SNX7: variants seen among roughly 807,000 people sequenced by gnomAD.
SNX7 encodes the protein sorting nexin-7.
SNX7 carries 35 observed loss-of-function variants against 48.4 expected under a neutral mutation model. That is an observed-to-expected ratio of 0.72 (90% CI 0.55 to 0.96). The LOEUF is 0.96. Ranked by LOEUF, SNX7 falls within the 40% of genes least tolerant of loss-of-function variation. The pLI is 0.00. For synonymous variants in SNX7, 190 were observed against 190.2 expected (o/e 1.00, Z 0.01); for missense variants, 553 against 548.9 (o/e 1.01, Z -0.07).
At chr1:98,720,886 G>A (rs191117016) in intron 7 of SNX7, among the ~76,000 whole-genome samples, 7 of 152,150 alleles carry the variant, frequency 4.6e-5, no homozygotes, top group Middle Eastern at 3.4e-3. Flanking sequence ...TTTAGCTTTG[G>A]TAGGGATTCA....
chr1:98,662,461 T>C (rs1361853291), intron 1 of SNX7: 2 of 308,842 alleles, frequency 6.5e-6, no homozygotes, highest in Admixed American at 4.3e-5. Context: ...AACAGGAAGC[T>C]CCTCCGCTGA....
intron 8 of SNX7, among the ~76,000 whole-genome samples, chr1:98,749,703 T>C (rs1458894262): frequency 1.3e-5 from 2 of 152,132 alleles, no homozygotes; most frequent in Non-Finnish European, 1.5e-5. Flanking sequence ...TTAATTAGTG[T>C]TTCAATTTTA....
At chr1:98,664,614 T>G (rs1242980642) in intron 1 of SNX7, among the ~76,000 whole-genome samples, 1 of 152,156 alleles carries the variant, frequency 6.6e-6, no homozygotes, top group Non-Finnish European at 1.5e-5. Context: ...GTGTTAAGTA[T>G]GCTTTAAAAA....
At chr1:98,689,816 G>A (rs1651016107) in intron 2 of SNX7, among the ~76,000 whole-genome samples, 1 of 151,980 alleles carries the variant, frequency 6.6e-6, no homozygotes. Flanking sequence ...AAACTGTGCT[G>A]GTATTTGATA....
chr1:98,684,911 C>T lies in SNX7; in HGVS notation c.207C>T (p.Ser69=), dbSNP rs200265126. 194 of 1,559,650 alleles carry T rather than the reference C, an allele frequency of 1.2e-4. 1 individual carries two copies. The East Asian group carries it at 3.8e-3, about 31-fold the overall frequency. ...ATGCCTCATTGATGGACATGAACTC[C>T]TTCAGCCCTATGATGCCAACATCCC... ...SKDASLMDMN[S]FSPMMPTSPL... is the part of the protein sequence containing the mutation. The change falls in exon 2 of 9, where the codon TCC becomes TCT. Residue 69 remains serine (S), a synonymous_variant. Coordinates refer to ENST00000306121, the MANE Select transcript of SNX7 (RefSeq NM_015976.5).
intron 8 of SNX7, among the ~76,000 whole-genome samples, chr1:98,739,261 C>T (rs562006333): frequency 5.9e-5 from 9 of 152,138 alleles, no homozygotes; most frequent in African/African-American, 2.2e-4. Context: ...AATGCTCACC[C>T]GCCGCTCACC....
chr1:98,669,641 C>T (rs537768417), intron 1 of SNX7, among the ~76,000 whole-genome samples: 29 of 152,262 alleles, frequency 1.9e-4, no homozygotes, highest in Admixed American at 1.2e-3. Context: ...TTGTTTCCAC[C>T]GTACAATTTG....
chr1:98,671,965 A>C (rs1184967051), intron 1 of SNX7, among the ~76,000 whole-genome samples: 1 of 152,184 alleles, frequency 6.6e-6, no homozygotes, highest in Non-Finnish European at 1.5e-5. Flanking sequence ...ATGAAAATTA[A>C]AGCCTTATGT....
intron 7 of SNX7, among the ~76,000 whole-genome samples, chr1:98,705,082 T>C (rs971925926): frequency 3.9e-5 from 6 of 152,188 alleles, no homozygotes; most frequent in African/African-American, 1.4e-4. Flanking sequence ...CACACAGATA[T>C]ACCCACAAAA....
chr1:98,664,458 G>A (rs982500350), intron 1 of SNX7, among the ~76,000 whole-genome samples: 2 of 152,186 alleles, frequency 1.3e-5, no homozygotes, highest in South Asian at 4.1e-4. Context: ...AACCCGGGAT[G>A]CAGAGGTTGC....
intron 1 of SNX7, among the ~76,000 whole-genome samples, chr1:98,664,364 C>T (rs1400368844): frequency 6.6e-6 from 1 of 152,036 alleles, no homozygotes; most frequent in East Asian, 1.9e-4. Context: ...CCCATCTTTA[C>T]TAAAAATATA....
At chr1:98,677,990 C>T (rs866263893) in intron 1 of SNX7, among the ~76,000 whole-genome samples, 1 of 141,778 alleles carries the variant, frequency 7.1e-6, no homozygotes, top group Non-Finnish European at 1.6e-5. Context: ...TGTGTGTGTG[C>T]GTGTGTGTGT....
In SNX7 at chr1:98,695,543, G is replaced by A. The variant is rs144811634; in HGVS notation, c.665G>A (p.Gly222Asp). Residue 222 changes from glycine to aspartate, a missense_variant, in exon 5 of 9, where the codon GGT (glycine) becomes GAT (aspartate). Gly to Asp is a moderately conservative substitution (Grantham distance 94). Transcript: ENST00000306121. Reference sequence around the variant, plus strand: ...GAACTCTCTTCTCACAAGAAGCAAGGTCCTGGCTTGCTAAGCAGGATGGGG... The same window carrying A: ...GAACTCTCTTCTCACAAGAAGCAAGATCCTGGCTTGCTAAGCAGGATGGGG... ...AWELSSHKKQ[G>D]PGLLSRMGQT... 5.6e-6 allele frequency: 9 copies of A among 1,613,982 alleles called. No individual in the cohort carries two copies. Among genetic ancestry groups the A allele is most frequent in the Non-Finnish European group, 7.6e-6 (9 of 1,180,024 alleles).
chr1:98,731,301 C>T (rs1653497562), intron 7 of SNX7, among the ~76,000 whole-genome samples: 1 of 152,004 alleles, frequency 6.6e-6, no homozygotes, highest in Admixed American at 6.6e-5. Context: ...GATTGTATCT[C>T]TCATAACATC....
At chr1:98,754,521 A>G (rs1570616794) in intron 8 of SNX7, among the ~76,000 whole-genome samples, 4 of 152,020 alleles carry the variant, frequency 2.6e-5, no homozygotes, top group Admixed American at 2.6e-4. Context: ...CATTTGGGTT[A>G]TTGGTTTCTT....
intron 7 of SNX7, among the ~76,000 whole-genome samples, chr1:98,702,547 C>T (rs1651805820): frequency 6.6e-6 from 1 of 151,886 alleles, no homozygotes; most frequent in Non-Finnish European, 1.5e-5. Context: ...TTATTTTACC[C>T]ATGGTATTTT....
At chr1:98,723,388 A>C (rs1652989243) in intron 7 of SNX7, among the ~76,000 whole-genome samples, 1 of 152,094 alleles carries the variant, frequency 6.6e-6, no homozygotes, top group Non-Finnish European at 1.5e-5. Context: ...CTTTTTGTTA[A>C]ATTTATTACT....
chr1:98,682,367 C>A (rs1198712663), intron 1 of SNX7, among the ~76,000 whole-genome samples: 1 of 152,072 alleles, frequency 6.6e-6, no homozygotes, highest in East Asian at 1.9e-4. Context: ...TTACTTTGAT[C>A]TTCTGTTGTA....
chr1:98,669,078 C>T (rs915876340), intron 1 of SNX7, among the ~76,000 whole-genome samples: 1 of 152,168 alleles, frequency 6.6e-6, no homozygotes, highest in African/African-American at 2.4e-5. Context: ...GGACTATGTT[C>T]TGCCATTCTC....
Sources: gnomAD v4.1 joint callset for allele counts (sites outside exome capture counted in the v4.1 genomes callset) on GRCh38, gnomAD v4.1.1 for gene constraint, MANE v1.5 for transcripts, NCBI Gene and HGNC (gene_info 2026-07-23, HGNC 2026-07-21) for gene names.